PPARGC1A: variants seen among roughly 807,000 people sequenced by gnomAD.
PPARGC1A encodes peroxisome proliferator-activated receptor gamma coactivator 1-alpha.
Under a neutral mutation model 88.7 loss-of-function variants are expected in PPARGC1A, and 25 were observed. That is an observed-to-expected ratio of 0.28 (90% CI 0.21 to 0.39). The LOEUF (loss-of-function observed/expected upper bound fraction) is 0.39. Ranked by LOEUF, PPARGC1A falls within the 10% of genes least tolerant of loss-of-function variation. PPARGC1A has a pLI of 1.00. For missense variants in PPARGC1A, 880 were observed against 968.7 expected (o/e 0.91, Z 1.22); for synonymous variants, 363 against 355.6 (o/e 1.02, Z -0.24).
chr4:24,112,616 A>T, the PPARGC1A span, among the ~76,000 whole-genome samples: 7 of 152,342 alleles, frequency 4.6e-5, no homozygotes, highest in East Asian at 9.6e-4. Flanking sequence ...GAAATAGACA[A>T]CATCAATGCC....
the PPARGC1A span, among the ~76,000 whole-genome samples, chr4:24,190,842 C>T: frequency 2.6e-5 from 4 of 152,308 alleles, no homozygotes; most frequent in East Asian, 1.9e-4. Flanking sequence ...CATTTCCCAC[C>T]GCTGGTGGAC....
chr4:24,343,709 G>A, the PPARGC1A span, among the ~76,000 whole-genome samples: 1 of 152,118 alleles, frequency 6.6e-6, no homozygotes, highest in South Asian at 2.1e-4. Context: ...GATTAGGGCT[G>A]AGAGTGGAGA....
the PPARGC1A span, among the ~76,000 whole-genome samples, chr4:23,936,371 G>A: frequency 4.7e-3 from 712 of 152,228 alleles, 3 homozygotes; most frequent in African/African-American, 0.016. Context: ...CTGGTTTTAG[G>A]TTCTACTCTA....
At chr4:23,886,390 G>T (rs1457551411) in intron 1 of PPARGC1A, among the ~76,000 whole-genome samples, 1 of 152,096 alleles carries the variant, frequency 6.6e-6, no homozygotes, top group Non-Finnish European at 1.5e-5. Flanking sequence ...AAAGCAACAC[G>T]CTGAGAAGTA....
the PPARGC1A span, among the ~76,000 whole-genome samples, chr4:23,979,655 A>G: frequency 1.3e-5 from 2 of 152,202 alleles, no homozygotes. Context: ...TAATGATCCC[A>G]ATTCACAACC....
the PPARGC1A span, among the ~76,000 whole-genome samples, chr4:24,295,246 C>A: frequency 6.6e-6 from 1 of 152,076 alleles, no homozygotes; most frequent in African/African-American, 2.4e-5. Flanking sequence ...AATCTCTTTC[C>A]CTCCATCACA....
chr4:24,427,821 C>A, the PPARGC1A span, among the ~76,000 whole-genome samples: 36 of 152,216 alleles, frequency 2.4e-4, no homozygotes, highest in African/African-American at 7.9e-4. Flanking sequence ...AAAGAATTAT[C>A]CAGCGCTGGC....
At chr4:24,229,428 C>T in the PPARGC1A span, among the ~76,000 whole-genome samples, 6 of 150,118 alleles carry the variant, frequency 4.0e-5, no homozygotes, top group Admixed American at 4.0e-4. Context: ...GGATTATAGG[C>T]ATGAGCCACG....
chr4:24,281,912 C>T, the PPARGC1A span, among the ~76,000 whole-genome samples: 1 of 152,230 alleles, frequency 6.6e-6, no homozygotes, highest in South Asian at 2.1e-4. Context: ...AAGGCAGATA[C>T]TCTTATCTCT....
chr4:24,312,067 C>T, the PPARGC1A span, among the ~76,000 whole-genome samples: 1 of 152,176 alleles, frequency 6.6e-6, no homozygotes, highest in Non-Finnish European at 1.5e-5. Context: ...GAACGTTTTG[C>T]ACCTATACGT....
the PPARGC1A span, among the ~76,000 whole-genome samples, chr4:24,214,045 A>G: frequency 1.9e-3 from 287 of 152,324 alleles, 1 homozygote; most frequent in African/African-American, 6.6e-3. Context: ...ACACATAAAA[A>G]TTCCGATCAG....
At chr4:23,993,952 T>C in the PPARGC1A span, among the ~76,000 whole-genome samples, 4 of 152,168 alleles carry the variant, frequency 2.6e-5, no homozygotes, top group Non-Finnish European at 2.9e-5. Context: ...TTTTCCATCC[T>C]AAAGGGACTT....
the PPARGC1A span, among the ~76,000 whole-genome samples, chr4:24,089,122 A>G: frequency 6.6e-6 from 1 of 152,230 alleles, no homozygotes; most frequent in South Asian, 2.1e-4. Flanking sequence ...TATAGTACTC[A>G]GCTAAACTAA....
At chr4:24,276,096 C>T in the PPARGC1A span, among the ~76,000 whole-genome samples, 1 of 152,198 alleles carries the variant, frequency 6.6e-6, no homozygotes, top group African/African-American at 2.4e-5. Flanking sequence ...AGAGGGAGGA[C>T]TTAATGAAAG....
the PPARGC1A span, among the ~76,000 whole-genome samples, chr4:24,392,190 T>C: frequency 6.6e-6 from 1 of 152,160 alleles, no homozygotes; most frequent in African/African-American, 2.4e-5. Flanking sequence ...CCAATTGCCG[T>C]CAGTCATTAA....
the PPARGC1A span, among the ~76,000 whole-genome samples, chr4:24,070,327 C>T: frequency 6.6e-6 from 1 of 152,162 alleles, no homozygotes; most frequent in Non-Finnish European, 1.5e-5. Context: ...ATGCAGAATG[C>T]ACTTCAGAAT....
At chr4:24,091,587 T>C in the PPARGC1A span, 1 of 985,346 alleles carries the variant, frequency 1.0e-6, no homozygotes, top group East Asian at 1.1e-4. Flanking sequence ...TTACTCTCTC[T>C]CCTTGCAAGC....
chr4:23,808,194 T>C (rs188350638), intron 10 of PPARGC1A, among the ~76,000 whole-genome samples: 2,934 of 140,752 alleles, frequency 0.021, 113 homozygotes, highest in African/African-American at 0.075. Flanking sequence ...GAGCTTGCAG[T>C]GAGCCAAGAT....
chr4:24,050,855 A>G, the PPARGC1A span, among the ~76,000 whole-genome samples: 17 of 152,254 alleles, frequency 1.1e-4, no homozygotes, highest in Admixed American at 2.0e-4. Context: ...ACGAAATCCA[A>G]TCAACATTTT....
Sources: gnomAD v4.1 joint callset for allele counts (sites outside exome capture counted in the v4.1 genomes callset) on GRCh38, gnomAD v4.1.1 for gene constraint, MANE v1.5 for transcripts, NCBI Gene and HGNC (gene_info 2026-07-23, HGNC 2026-07-21) for gene names.